Variants in SLC24A2 observed in about 807,000 individuals in gnomAD.
The protein encoded by SLC24A2 is sodium/potassium/calcium exchanger 2.
In SLC24A2, 36 loss-of-function variants were observed where a neutral mutation model predicts 62.0. The ratio of observed to expected loss-of-function variants is 0.58; its 90% CI spans 0.44 to 0.77. The LOEUF (loss-of-function observed/expected upper bound fraction) is 0.77. Ranked by LOEUF, SLC24A2 falls within the 30% of genes least tolerant of loss-of-function variation. SLC24A2 has a pLI of 0.00. For missense variants in SLC24A2, 846 were observed against 817.9 expected, an observed-to-expected ratio of 1.03 and a Z score of -0.42; for synonymous variants, 358 against 294.0, an observed-to-expected ratio of 1.22 and a Z score of -2.23.
the SLC24A2 span, among the ~76,000 whole-genome samples, chr9:19,893,103 T>G: frequency 2.3e-3 from 343 of 152,350 alleles, 1 homozygote; most frequent in African/African-American, 7.9e-3. Context: ...TGCTCCCATT[T>G]TGGTCCAGCA....
chr9:19,770,560 C>T (rs1458674837), intron 2 of SLC24A2, among the ~76,000 whole-genome samples: 1 of 152,108 alleles, frequency 6.6e-6, no homozygotes, highest in African/African-American at 2.4e-5. Flanking sequence ...TTCCTATTAC[C>T]TTACTAACTA....
the SLC24A2 span, among the ~76,000 whole-genome samples, chr9:20,265,681 CA>C: frequency 6.6e-6 from 1 of 151,976 alleles, no homozygotes; most frequent in Non-Finnish European, 1.5e-5. Context: ...TGGGCACCTT[CA>C]AAAAAGAACA....
At chr9:20,258,849 CTAT>C in the SLC24A2 span, among the ~76,000 whole-genome samples, 1 of 141,328 alleles carries the variant, frequency 7.1e-6, no homozygotes, top group Non-Finnish European at 1.5e-5. Context: ...ATCTATCTAT[CTAT>C]CTAATGTCTA....
the SLC24A2 span, among the ~76,000 whole-genome samples, chr9:19,994,842 A>G: frequency 2.0e-5 from 3 of 152,246 alleles, no homozygotes; most frequent in African/African-American, 7.2e-5. Flanking sequence ...CACACTCTGC[A>G]GAGACATACT....
At chr9:19,654,256 T>A (rs145970768) in intron 2 of SLC24A2, among the ~76,000 whole-genome samples, 1 of 152,334 alleles carries the variant, frequency 6.6e-6, no homozygotes, top group East Asian at 1.9e-4. Context: ...GTCCTGCTGC[T>A]TGAATAAGCA....
chr9:20,294,350 G>C, the SLC24A2 span, among the ~76,000 whole-genome samples: 1 of 152,042 alleles, frequency 6.6e-6, no homozygotes, highest in Non-Finnish European at 1.5e-5. Context: ...AATACCTCCC[G>C]CCCTAGGAAG....
At chr9:20,133,090 C>A in the SLC24A2 span, among the ~76,000 whole-genome samples, 1 of 152,148 alleles carries the variant, frequency 6.6e-6, no homozygotes, top group South Asian at 2.1e-4. Flanking sequence ...CTGGGTGAGC[C>A]TGACTTAATC....
At chr9:19,656,904 C>T (rs1818958394) in intron 2 of SLC24A2, among the ~76,000 whole-genome samples, 1 of 152,222 alleles carries the variant, frequency 6.6e-6, no homozygotes, top group Admixed American at 6.5e-5. Context: ...TCTGCCATCC[C>T]TCCCCTCCCA....
the SLC24A2 span, among the ~76,000 whole-genome samples, chr9:20,122,854 A>C: frequency 2.8e-4 from 43 of 152,216 alleles, 1 homozygote; most frequent in South Asian, 3.9e-3. Flanking sequence ...TTTTTTGACC[A>C]ATTTCCATAA....
chr9:20,036,443 T>C, the SLC24A2 span, among the ~76,000 whole-genome samples: 1 of 152,120 alleles, frequency 6.6e-6, no homozygotes. Flanking sequence ...AACTTATTCC[T>C]CCCGTCTAAT....
At chr9:20,298,065 G>A in the SLC24A2 span, among the ~76,000 whole-genome samples, 2 of 152,134 alleles carry the variant, frequency 1.3e-5, no homozygotes, top group Non-Finnish European at 2.9e-5. Context: ...AGGCAGCAGG[G>A]AGCAACAGCA....
At chr9:19,529,666 C>A (rs1480216426) in intron 8 of SLC24A2, among the ~76,000 whole-genome samples, 1 of 151,778 alleles carries the variant, frequency 6.6e-6, no homozygotes, top group Non-Finnish European at 1.5e-5. Flanking sequence ...AGGACTCAGA[C>A]CCCTCCTAGG....
chr9:20,198,576 G>C, the SLC24A2 span, among the ~76,000 whole-genome samples: 1 of 152,156 alleles, frequency 6.6e-6, no homozygotes, highest in Non-Finnish European at 1.5e-5. Flanking sequence ...GGACAAAGGA[G>C]GAATTATTTC....
At chr9:19,656,476 T>C (rs902022046) in intron 2 of SLC24A2, among the ~76,000 whole-genome samples, 1 of 152,208 alleles carries the variant, frequency 6.6e-6, no homozygotes, top group African/African-American at 2.4e-5. Context: ...ATCCCAAGTC[T>C]TTCTTTATTC....
At chr9:19,527,411 G>A (rs1833491291) in intron 9 of SLC24A2, among the ~76,000 whole-genome samples, 1 of 152,148 alleles carries the variant, frequency 6.6e-6, no homozygotes, top group South Asian at 2.1e-4. Context: ...TTACTGTTAA[G>A]ATTATAAAGA....
chr9:19,935,281 T>A, the SLC24A2 span, among the ~76,000 whole-genome samples: 2 of 152,006 alleles, frequency 1.3e-5, no homozygotes, highest in South Asian at 2.1e-4. Context: ...GTATATTTTT[T>A]AACAACTTTG....
the SLC24A2 span, among the ~76,000 whole-genome samples, chr9:19,900,086 G>C: frequency 5.3e-5 from 8 of 152,306 alleles, no homozygotes; most frequent in African/African-American, 1.9e-4. Context: ...ATGGCCCAAG[G>C]TTGCAGTCTG....
the SLC24A2 span, among the ~76,000 whole-genome samples, chr9:20,087,974 T>C: frequency 6.6e-6 from 1 of 152,108 alleles, no homozygotes; most frequent in Non-Finnish European, 1.5e-5. Context: ...CAACCCCAGG[T>C]CAGGAGATCC....
rs142809516 is a variant in SLC24A2, at chr9:19,532,279, A to G, written c.1480-4141T>C. The stretch of plus-strand genomic sequence containing the variant: ...CCGGCTAATTTTTTGTATTTTTAGT[A>G]GAGACAGGGTTTCTCTATGTTGGTC... On this transcript the variant is annotated intron_variant, in intron 8 of 10. Coordinates refer to ENST00000341998, the MANE Select transcript of SLC24A2 (RefSeq NM_020344.4). Among the ~76,000 whole-genome samples the G allele has an allele frequency of 2.0e-4, 31 of 152,202 alleles. 1 individual carries two copies. In the East Asian group the frequency reaches 5.4e-3, roughly 27 times the overall value.
Sources: allele counts gnomAD v4.1 joint callset (sites outside exome capture counted in the v4.1 genomes callset), GRCh38; gene constraint gnomAD v4.1.1; transcripts MANE v1.5; gene names NCBI Gene and HGNC (gene_info 2026-07-23, HGNC 2026-07-21).